SESN2: variants seen among roughly 807,000 people sequenced by gnomAD.
SESN2 encodes sestrin-2.
Under a neutral mutation model 56.0 loss-of-function variants are expected in SESN2, and 42 were observed. The ratio of observed to expected loss-of-function variants is 0.75; its 90% CI spans 0.59 to 0.97. SESN2 has a LOEUF of 0.97. Among genes scored for constraint, SESN2 ranks in the 50% least tolerant of loss-of-function variants. The pLI, the probability that SESN2 is intolerant of heterozygous loss-of-function variation, is 0.00. For synonymous variants in SESN2, 264 were observed against 267.1 expected, an observed-to-expected ratio of 0.99 and a Z score of 0.11; for missense variants, 507 against 649.4, an observed-to-expected ratio of 0.78 and a Z score of 2.38.
At position 28,272,623 on chromosome 1, in the gene SESN2, C is replaced by T; in HGVS notation, c.580C>T (p.Leu194Phe). The change falls in exon 5 of 10, where the codon CTC (leucine) becomes TTC (phenylalanine). Residue 194 changes from leucine (L) to phenylalanine (F), a missense_variant. By Grantham distance (22) the Leu-to-Phe change is conservative (BLOSUM62 0). Transcript: ENST00000253063. ...TGEHTWSLAELIQALVLLTHC... is the reference protein window; with the variant it reads ...TGEHTWSLAEFIQALVLLTHC... ...CGAGCACACTTGGTCCCTGGCCGAGCTCATTCAGGCTCTGGTCCTGCTCAC... is the reference window on the plus strand; with the variant it reads ...CGAGCACACTTGGTCCCTGGCCGAGTTCATTCAGGCTCTGGTCCTGCTCAC... 6.2e-7 allele frequency: 1 copy of T among 1,614,124 alleles called. No individual in the cohort carries two copies. The highest frequency in any genetic ancestry group is 8.5e-7 in the Non-Finnish European group (1 of 1,180,016).
intron 1 of SESN2, among the ~76,000 whole-genome samples, chr1:28,266,310 T>A (rs191106644): frequency 6.6e-6 from 1 of 152,132 alleles, no homozygotes; most frequent in Non-Finnish European, 1.5e-5. Flanking sequence ...ACCGCTTGGG[T>A]TGAGAAGCCC....
intron 1 of SESN2, among the ~76,000 whole-genome samples, chr1:28,265,279 C>T (rs1337358457): frequency 1.3e-5 from 2 of 152,278 alleles, no homozygotes; most frequent in African/African-American, 2.4e-5. Flanking sequence ...CTGTCAGGAT[C>T]GGGGAAGCAT....
intron 1 of SESN2, among the ~76,000 whole-genome samples, chr1:28,266,234 T>C (rs1478545078): frequency 6.6e-6 from 1 of 152,180 alleles, no homozygotes; most frequent in Non-Finnish European, 1.5e-5. Context: ...ATAACTAAAT[T>C]AGAATTGCGG....
At chr1:28,262,564 G>A (rs1472646709) in intron 1 of SESN2, among the ~76,000 whole-genome samples, 1 of 140,756 alleles carries the variant, frequency 7.1e-6, no homozygotes, top group Non-Finnish European at 1.5e-5. Context: ...GGAGGTTGCA[G>A]TGAACTGTGA....
chr1:28,279,922 C>T (rs922511063), intron 9 of SESN2, among the ~76,000 whole-genome samples: 28 of 152,030 alleles, frequency 1.8e-4, no homozygotes, highest in Admixed American at 8.5e-4. Context: ...GGTGTGATTT[C>T]GGCTCGCTGC....
intron 1 of SESN2, among the ~76,000 whole-genome samples, chr1:28,266,243 G>A (rs2149036787): frequency 6.6e-6 from 1 of 152,310 alleles, no homozygotes; most frequent in South Asian, 2.1e-4. Flanking sequence ...TTAGAATTGC[G>A]GGAGGTGGGA....
At position 28,280,971 on chromosome 1, in the gene SESN2, A is replaced by G; in HGVS notation, c.*169A>G. The G allele has an allele frequency of 3.4e-6, 2 of 594,760 alleles. No homozygotes were observed. The highest frequency in any genetic ancestry group is 2.8e-5 in the East Asian group (1 of 35,174). 36.8% of individuals were successfully genotyped at this position (594,760 alleles called of 1,614,324 possible). On this transcript the variant is annotated 3_prime_UTR_variant, in exon 10 of 10. Coordinates refer to ENST00000253063, the MANE Select transcript of SESN2 (RefSeq NM_031459.5). The stretch of plus-strand genomic sequence containing the variant: ...CTCCCTTTTCCTCACTGGAATGGAC[A>G]GTTCATTGCACTGACTCTGGGATCT...
Position 28,274,912 on chromosome 1 carries a change from G to A in SESN2, c.1108G>A (p.Ala370Thr). The A allele has an allele frequency of 3.7e-6, 6 of 1,614,198 alleles. No individual in the cohort carries two copies. Among genetic ancestry groups the A allele is most frequent in the Non-Finnish European group, 4.2e-6 (5 of 1,180,024 alleles). Residue 370 changes from alanine to threonine, a missense_variant, in exon 8 of 10, where the codon GCC becomes ACC. Physicochemically the swap from Ala to Thr is moderately conservative, Grantham distance 58 (BLOSUM62 0). Transcript: ENST00000253063. ...GCTGCTGGATGAGAAGTTCCAGGCA[G>A]CCTATAGCCTCACCTACAATACCAT... ...GQLLDEKFQA[A>T]YSLTYNTIAM...
At chr1:28,261,708 G>A (rs1338618622) in intron 1 of SESN2, among the ~76,000 whole-genome samples, 1 of 151,924 alleles carries the variant, frequency 6.6e-6, no homozygotes, top group Non-Finnish European at 1.5e-5. Flanking sequence ...TTGAGGGAGG[G>A]ATCTTTACAC....
intron 1 of SESN2, among the ~76,000 whole-genome samples, chr1:28,268,603 TGCAATGAG>T (rs1359160943): frequency 6.6e-6 from 1 of 150,500 alleles, no homozygotes; most frequent in Non-Finnish European, 1.5e-5. Flanking sequence ...AGGCAGAGGT[TGCAATGAG>T]CTGAGATCGC....
chr1:28,261,979 G>A (rs1647389459), intron 1 of SESN2, among the ~76,000 whole-genome samples: 1 of 152,010 alleles, frequency 6.6e-6, no homozygotes. Flanking sequence ...CAGAGTTTCA[G>A]CATGTTGGCC....
chr1:28,277,792 TG>T (rs1648103354), intron 8 of SESN2, among the ~76,000 whole-genome samples: 1 of 152,224 alleles, frequency 6.6e-6, no homozygotes, highest in African/African-American at 2.4e-5. Context: ...TTTCACTGAA[TG>T]GGTTGAGCTA....
chr1:28,265,660 G>A (rs1356778620), intron 1 of SESN2, among the ~76,000 whole-genome samples: 1 of 152,132 alleles, frequency 6.6e-6, no homozygotes, highest in African/African-American at 2.4e-5. Flanking sequence ...CTCTCAAAGT[G>A]CTGGGATTTC....
intron 1 of SESN2, among the ~76,000 whole-genome samples, chr1:28,264,983 C>T (rs1647506939): frequency 6.6e-6 from 1 of 152,198 alleles, no homozygotes; most frequent in Non-Finnish European, 1.5e-5. Flanking sequence ...TCTGCACTTG[C>T]AGAAACCTGG....
rs1029932081 is a variant in SESN2, at chr1:28,280,736, C to T, written c.1377C>T (p.Leu459=). ...CCCAGGTCCACGTGAACTTGCTGCTCCTGGAGGCGCGCATGCAAGCCGCTC... is the reference window on the plus strand; with the variant it reads ...CCCAGGTCCACGTGAACTTGCTGCTTCTGGAGGCGCGCATGCAAGCCGCTC... ...HSEKVHVNLL[L]LEARMQAALL... is the part of the protein sequence containing the mutation. Residue 459 remains leucine (L), a synonymous_variant, in exon 10 of 10, where the codon CTC becomes CTT. Transcript: ENST00000253063. 2 of 1,613,388 alleles carry T rather than the reference C, an allele frequency of 1.2e-6. No individual in the cohort carries two copies. The highest frequency in any genetic ancestry group is 1.7e-6 in the Non-Finnish European group (2 of 1,179,966).
intron 1 of SESN2, among the ~76,000 whole-genome samples, chr1:28,268,690 G>A (rs1647643825): frequency 6.6e-6 from 1 of 151,546 alleles, no homozygotes; most frequent in Non-Finnish European, 1.5e-5. Flanking sequence ...GCAAAAGAAG[G>A]AAGGAGAAGG....
intron 1 of SESN2, among the ~76,000 whole-genome samples, chr1:28,265,555 G>GCC (rs1647527778): frequency 6.6e-6 from 1 of 152,080 alleles, no homozygotes; most frequent in African/African-American, 2.4e-5. Flanking sequence ...CACCATGCCT[G>GCC]GCTAATTTTT....
chr1:28,273,370 G>C lies in SESN2; in HGVS notation c.763G>C (p.Ala255Pro). ...PLNNSGGFES[A>P]RDVEALMERM... is the part of the protein sequence containing the mutation. The stretch of plus-strand genomic sequence containing the variant: ...GCCTCTCCTGCAGGGCTTTGAGTCT[G>C]CCCGCGACGTGGAGGCGCTGATGGA... The change falls in exon 6 of 10, where the codon GCC becomes CCC. Residue 255 changes from alanine (A) to proline (P), a missense_variant. Coordinates refer to ENST00000253063, the MANE Select transcript of SESN2 (RefSeq NM_031459.5). 1 of 1,597,712 alleles carries C rather than the reference G, an allele frequency of 6.3e-7. No homozygotes were observed. The highest frequency in any genetic ancestry group is 8.5e-7 in the Non-Finnish European group (1 of 1,171,946).
chr1:28,264,420 C>G (rs554180667), intron 1 of SESN2, among the ~76,000 whole-genome samples: 1 of 152,290 alleles, frequency 6.6e-6, no homozygotes, highest in African/African-American at 2.4e-5. Context: ...TGTTGAATGA[C>G]CACCTAAAGG....
Sources: allele counts gnomAD v4.1 joint callset (sites outside exome capture counted in the v4.1 genomes callset), GRCh38; gene constraint gnomAD v4.1.1; transcripts MANE v1.5; gene names NCBI Gene and HGNC (gene_info 2026-07-23, HGNC 2026-07-21).